EXOC6: variants seen among roughly 807,000 people sequenced by gnomAD.
EXOC6 encodes SEC15-like 1.
In EXOC6, 60 loss-of-function variants were observed where a neutral mutation model predicts 112.5. The observed-to-expected ratio is 0.53, with a 90% confidence interval of 0.43 to 0.66. The LOEUF is 0.66. Ranked by LOEUF, EXOC6 falls within the 30% of genes least tolerant of loss-of-function variation. The probability of loss-of-function intolerance (pLI) is 0.00; values close to 1 mark genes in which losing one functional copy is unlikely to be tolerated. For missense variants in EXOC6, 855 were observed against 957.1 expected, an observed-to-expected ratio of 0.89 and a Z score of 1.41; for synonymous variants, 295 against 308.0, an observed-to-expected ratio of 0.96 and a Z score of 0.44.
chr10:93,024,931 C>T (rs1028990260), intron 20 of EXOC6, among the ~76,000 whole-genome samples: 2 of 151,828 alleles, frequency 1.3e-5, no homozygotes, highest in Admixed American at 6.6e-5. Flanking sequence ...AAAGCCCGAC[C>T]GCAGGGATCA....
At chr10:92,942,887 A>G (rs1381035340) in intron 13 of EXOC6, among the ~76,000 whole-genome samples, 1 of 152,218 alleles carries the variant, frequency 6.6e-6, no homozygotes, top group African/African-American at 2.4e-5. Flanking sequence ...CTTCATTCAC[A>G]TAGAGATAGG....
intron 20 of EXOC6, among the ~76,000 whole-genome samples, chr10:93,018,001 A>G (rs989058410): frequency 6.7e-5 from 10 of 148,772 alleles, no homozygotes; most frequent in African/African-American, 2.5e-4. Flanking sequence ...CAAGAGTGAA[A>G]CTCTGTCTCA....
At chr10:93,002,653 T>C (rs1843807910) in intron 19 of EXOC6, among the ~76,000 whole-genome samples, 1 of 152,198 alleles carries the variant, frequency 6.6e-6, no homozygotes, top group Non-Finnish European at 1.5e-5. Flanking sequence ...CCTTAAGATT[T>C]CTCAGCCAGT....
At chr10:92,894,742 C>T in intron 2 of EXOC6, 52 bp from the exon 3 acceptor site, 1 of 1,431,804 alleles carries the variant, frequency 7.0e-7, no homozygotes. Context: ...GCAGTTACAT[C>T]AGGGCAGTTT....
At chr10:92,867,338 G>C (rs1848222443) in intron 1 of EXOC6, among the ~76,000 whole-genome samples, 1 of 152,104 alleles carries the variant, frequency 6.6e-6, no homozygotes. Flanking sequence ...CTGCCATTTA[G>C]GGGTGATAAC....
At chr10:92,902,409 G>A (rs1850227661) in intron 5 of EXOC6, among the ~76,000 whole-genome samples, 1 of 151,200 alleles carries the variant, frequency 6.6e-6, no homozygotes, top group African/African-American at 2.4e-5. Context: ...AAATCTCTTT[G>A]TCTGCTTGCT....
intron 18 of EXOC6, among the ~76,000 whole-genome samples, chr10:92,985,408 G>A (rs546467584): frequency 2.2e-4 from 34 of 152,178 alleles, no homozygotes; most frequent in African/African-American, 7.2e-4. Context: ...TCTGCTTTCT[G>A]TCTTGCAGAA....
In EXOC6 at chr10:92,940,827, T is replaced by G; in HGVS notation, c.1310+3T>G. ...AAGAAATGGGCTGGAGTTTTCAGGT[T>G]AGTCTAAGTCATGGTGCCTTAATAT... is the stretch of plus-strand genomic sequence containing the variant. On this transcript the variant is annotated splice_donor_region_variant and intron_variant, in intron 13 of 21. Transcript: ENST00000260762. The G allele has an allele frequency of 6.3e-7, 1 of 1,586,416 alleles. No individual in the cohort carries two copies. Among genetic ancestry groups the G allele is most frequent in the Non-Finnish European group, 8.6e-7 (1 of 1,158,104 alleles).
At chr10:93,044,976 A>G (rs2478237) in intron 20 of EXOC6, among the ~76,000 whole-genome samples, 86,140 of 151,948 alleles carry the variant, frequency 0.57, 27,361 homozygotes, top group East Asian at 0.92. Context: ...GGGTTCAAGC[A>G]ATTCTCCTGC....
At chr10:92,957,896 T>G (rs921940134) in intron 17 of EXOC6, among the ~76,000 whole-genome samples, 1 of 152,174 alleles carries the variant, frequency 6.6e-6, no homozygotes, top group Non-Finnish European at 1.5e-5. Flanking sequence ...GCTGTAGACA[T>G]TTGATTGGAT....
intron 18 of EXOC6, among the ~76,000 whole-genome samples, chr10:92,975,692 GA>G (rs1842539993): frequency 7.9e-6 from 1 of 126,488 alleles, no homozygotes; most frequent in South Asian, 2.6e-4. Context: ...CCCCTACTGG[GA>G]AGTGAGGAGC....
chr10:93,014,184 C>G lies in EXOC6; in HGVS notation c.2096-10C>G. The G allele has an allele frequency of 6.3e-7, 1 of 1,587,300 alleles. No homozygotes were observed. On this transcript the variant is annotated splice_polypyrimidine_tract_variant and intron_variant, in intron 19 of 21. Transcript: ENST00000260762. ...TCATTTTTATTCTTTTTTTTTCTTT[C>G]TTTTAATAGTGTTTGCCAGCTCTGA... is the stretch of plus-strand genomic sequence containing the variant.
At chr10:92,902,296 T>C (rs1850219006) in intron 5 of EXOC6, among the ~76,000 whole-genome samples, 1 of 152,158 alleles carries the variant, frequency 6.6e-6, no homozygotes, top group Admixed American at 6.5e-5. Context: ...GGAAGTTTTT[T>C]TGAATTATTT....
At chr10:92,884,036 A>G (rs1251740938) in intron 1 of EXOC6, among the ~76,000 whole-genome samples, 1 of 152,072 alleles carries the variant, frequency 6.6e-6, no homozygotes, top group Non-Finnish European at 1.5e-5. Flanking sequence ...AGCTGGGACT[A>G]CAGGTGTGTG....
intron 1 of EXOC6, among the ~76,000 whole-genome samples, chr10:92,828,635 G>GTT (rs11361269): frequency 0.041 from 5,259 of 127,106 alleles, 284 homozygotes; most frequent in East Asian, 0.13. Flanking sequence ...TGCCCCGCCA[G>GTT]TTTTTTTTTT....
intron 1 of EXOC6, among the ~76,000 whole-genome samples, chr10:92,877,472 G>A (rs1288331101): frequency 2.0e-5 from 3 of 152,092 alleles, no homozygotes; most frequent in Non-Finnish European, 4.4e-5. Context: ...ACTTCTCCAG[G>A]TTCTTGATAC....
intron 20 of EXOC6, among the ~76,000 whole-genome samples, chr10:93,050,525 C>G (rs777725917): frequency 6.6e-6 from 1 of 151,216 alleles, no homozygotes; most frequent in Non-Finnish European, 1.5e-5. Flanking sequence ...TTTGGGAGGC[C>G]AAGATGGGTG....
chr10:92,975,579 C>A (rs1842520423), intron 18 of EXOC6, among the ~76,000 whole-genome samples: 1 of 144,960 alleles, frequency 6.9e-6, no homozygotes, highest in African/African-American at 2.6e-5. Flanking sequence ...GGGATCAGCC[C>A]CCTGCCCGGC....
At position 93,058,279 on chromosome 10, in the gene EXOC6, G is replaced by A. The variant is rs776103356; in HGVS notation, c.2339G>A (p.Arg780Gln). 3.1e-5 allele frequency: 50 copies of A among 1,611,704 alleles called. No individual in the cohort carries two copies. Among genetic ancestry groups the A allele is most frequent in the South Asian group, 4.4e-5 (4 of 90,590 alleles). ...NIFAQFRKND[R>Q]DKQKLIETVV... is the part of the protein sequence containing the mutation. Reference sequence around the variant, plus strand: ...TTTGCTCAGTTCAGGAAGAATGATCGAGACAAACAGAAGTTGATAGAGACA... The same window carrying A: ...TTTGCTCAGTTCAGGAAGAATGATCAAGACAAACAGAAGTTGATAGAGACA... The change falls in exon 22 of 22, where the codon CGA (arginine) becomes CAA (glutamine). Residue 780 changes from arginine (R) to glutamine (Q), a missense_variant. Arg to Gln is a conservative substitution (Grantham distance 43). Transcript: ENST00000260762.
Sources: allele counts gnomAD v4.1 joint callset (sites outside exome capture counted in the v4.1 genomes callset), GRCh38; gene constraint gnomAD v4.1.1; transcripts MANE v1.5; gene names NCBI Gene and HGNC (gene_info 2026-07-23, HGNC 2026-07-21).